The following CDH12 variants were observed in gnomAD, a reference collection of about 807,000 sequenced individuals.
CDH12 encodes the protein cadherin 12.
CDH12 carries 41 observed loss-of-function variants against 74.1 expected under a neutral mutation model. The observed-to-expected ratio is 0.55, with a 90% CI of 0.43 to 0.72. The LOEUF (loss-of-function observed/expected upper bound fraction) is 0.72. Among genes scored for constraint, CDH12 ranks in the 30% least tolerant of loss-of-function variants. The pLI is 0.00. For missense variants in CDH12, 945 were observed against 977.2 expected (o/e 0.97, Z 0.44); for synonymous variants, 399 against 355.0 (o/e 1.12, Z -1.39).
intron 3 of CDH12, among the ~76,000 whole-genome samples, chr5:22,382,794 G>A (rs1051634849): frequency 3.0e-4 from 46 of 151,206 alleles, no homozygotes; most frequent in African/African-American, 1.1e-3. Flanking sequence ...AGACTGAATC[G>A]ACCTTGGACT....
At chr5:22,548,026 T>A (rs1346734101) in intron 1 of CDH12, among the ~76,000 whole-genome samples, 1 of 152,212 alleles carries the variant, frequency 6.6e-6, no homozygotes, top group Non-Finnish European at 1.5e-5. Flanking sequence ...AATTAATTGA[T>A]CTTAGATCTG....
chr5:22,831,586 C>T (rs1174083863), intron 1 of CDH12, among the ~76,000 whole-genome samples: 2 of 152,032 alleles, frequency 1.3e-5, no homozygotes, highest in African/African-American at 4.8e-5. Context: ...TAGGCTGTCA[C>T]TAATTTTGCA....
intron 4 of CDH12, among the ~76,000 whole-genome samples, chr5:22,206,387 T>C (rs1180609829): frequency 6.6e-6 from 1 of 152,186 alleles, no homozygotes; most frequent in Non-Finnish European, 1.5e-5. Flanking sequence ...TAGAGTTACC[T>C]GGGAAATTTT....
At chr5:22,338,387 T>C (rs1484209370) in intron 3 of CDH12, among the ~76,000 whole-genome samples, 2 of 151,646 alleles carry the variant, frequency 1.3e-5, no homozygotes, top group African/African-American at 4.9e-5. Context: ...ATTGAACCCA[T>C]GGAGAAAGAT....
intron 8 of CDH12, among the ~76,000 whole-genome samples, chr5:21,833,315 T>TTATATAA (rs1561225804): frequency 0.1 from 640 of 6,290 alleles, 95 homozygotes; most frequent in Non-Finnish European, 0.1. Context: ...ATGTTATATG[T>TTATATAA]TATATAATAT....
At chr5:22,379,609 T>TA (rs1239324735) in intron 3 of CDH12, among the ~76,000 whole-genome samples, 36 of 152,214 alleles carry the variant, frequency 2.4e-4, no homozygotes, top group Non-Finnish European at 1.5e-5. Flanking sequence ...TGTGCAATTC[T>TA]AATTCTTCTG....
intron 6 of CDH12, among the ~76,000 whole-genome samples, chr5:21,891,327 C>A (rs756091889): frequency 6.6e-6 from 1 of 151,860 alleles, no homozygotes; most frequent in Non-Finnish European, 1.5e-5. Context: ...CAGACATAGC[C>A]CTATTTTTGG....
At chr5:22,366,338 A>C (rs1268253222) in intron 3 of CDH12, among the ~76,000 whole-genome samples, 1 of 152,012 alleles carries the variant, frequency 6.6e-6, no homozygotes, top group Non-Finnish European at 1.5e-5. Flanking sequence ...AATCCCCTTT[A>C]ATATACCTAT....
chr5:22,631,828 C>T lies in CDH12; in HGVS notation c.-522-126464G>A, dbSNP rs112684586. Among the ~76,000 whole-genome samples the T allele has an allele frequency of 5.6e-3, 857 of 152,166 alleles. 9 individuals carry two copies. Among genetic ancestry groups the T allele is most frequent in the African/African-American group, 0.02 (822 of 41,528 alleles). Reference sequence around the variant, plus strand: ...ACTGGAGCAGGACAAAGAGAGGAATCGAGAGGTGCTAAACACATTTAAATA... The same window carrying T: ...ACTGGAGCAGGACAAAGAGAGGAATTGAGAGGTGCTAAACACATTTAAATA... On this transcript the variant is annotated intron_variant, in intron 1 of 14. Transcript: ENST00000382254.
chr5:21,968,699 A>G lies in CDH12; in HGVS notation c.526+6392T>C, dbSNP rs143687705. Among the ~76,000 whole-genome samples the G allele has an allele frequency of 2.4e-3, 372 of 152,156 alleles. 2 individuals carry two copies. Among genetic ancestry groups the G allele is most frequent in the African/African-American group, 8.5e-3 (352 of 41,520 alleles). On this transcript the variant is annotated intron_variant, in intron 6 of 14. Coordinates refer to ENST00000382254, the MANE Select transcript of CDH12 (RefSeq NM_004061.5). ...GATATTATTCCTGTTTTGCCACTGT[A>G]TTTTTGGTGAGTGTGTAGTAAGTAA... is the stretch of plus-strand genomic sequence containing the variant.
intron 2 of CDH12, among the ~76,000 whole-genome samples, chr5:22,452,081 AAT>A: frequency 6.6e-6 from 1 of 152,096 alleles, no homozygotes; most frequent in Middle Eastern, 3.4e-3. Context: ...AAAGGACACA[AAT>A]AAATGAAAAT....
intron 6 of CDH12, among the ~76,000 whole-genome samples, chr5:21,930,299 C>T (rs1008625761): frequency 6.6e-6 from 1 of 152,168 alleles, no homozygotes; most frequent in African/African-American, 2.4e-5. Context: ...TGCAGCACCA[C>T]TGTTTGCTAG....
At chr5:22,156,375 T>A (rs1048153763) in intron 4 of CDH12, among the ~76,000 whole-genome samples, 3 of 152,158 alleles carry the variant, frequency 2.0e-5, no homozygotes, top group African/African-American at 7.2e-5. Context: ...TTCTCAAAAT[T>A]TAATGAGCAT....
intron 1 of CDH12, among the ~76,000 whole-genome samples, chr5:22,601,806 A>G (rs1210870059): frequency 2.0e-5 from 3 of 152,214 alleles, no homozygotes; most frequent in Non-Finnish European, 4.4e-5. Context: ...GATGGGGTGC[A>G]AATGCAGGAT....
intron 4 of CDH12, among the ~76,000 whole-genome samples, chr5:22,134,626 C>T (rs960068626): frequency 1.4e-5 from 2 of 145,380 alleles, no homozygotes; most frequent in African/African-American, 5.1e-5. Context: ...GTCTTTTCTT[C>T]CTCTCCATTC....
At chr5:22,614,044 T>C (rs1261646493) in intron 1 of CDH12, among the ~76,000 whole-genome samples, 1 of 152,142 alleles carries the variant, frequency 6.6e-6, no homozygotes, top group Non-Finnish European at 1.5e-5. Context: ...ATATCTCATT[T>C]TTTAAAGTAC....
chr5:22,622,734 C>G (rs1176039327), intron 1 of CDH12, among the ~76,000 whole-genome samples: 1 of 152,102 alleles, frequency 6.6e-6, no homozygotes, highest in Non-Finnish European at 1.5e-5. Flanking sequence ...CTGAATTCTA[C>G]CAGAGGTACA....
intron 1 of CDH12, among the ~76,000 whole-genome samples, chr5:22,812,011 C>T (rs1749171975): frequency 6.6e-6 from 1 of 152,066 alleles, no homozygotes; most frequent in South Asian, 2.1e-4. Context: ...AATAAAAAAA[C>T]ATCTATGCCA....
intron 4 of CDH12, among the ~76,000 whole-genome samples, chr5:22,207,146 G>A (rs1325860607): frequency 1.3e-5 from 2 of 148,684 alleles, no homozygotes; most frequent in African/African-American, 5.0e-5. Context: ...GTGAACCTGG[G>A]AGGCAGAGCT....
Sources: allele counts gnomAD v4.1 joint callset (sites outside exome capture counted in the v4.1 genomes callset), GRCh38; gene constraint gnomAD v4.1.1; transcripts MANE v1.5; gene names NCBI Gene and HGNC (gene_info 2026-07-23, HGNC 2026-07-21).